STPG2: variants seen among roughly 807,000 people sequenced by gnomAD.
The protein encoded by STPG2 is sperm-tail PG-rich repeat-containing protein 2.
Under a neutral mutation model 54.2 loss-of-function variants are expected in STPG2, and 56 were observed. That is an observed-to-expected ratio of 1.03 (90% confidence interval 0.83 to 1.29). The LOEUF (loss-of-function observed/expected upper bound fraction) is 1.29, where lower values mean the gene tolerates loss of function less well. Among genes scored for constraint, STPG2 ranks in the 50% most tolerant of loss-of-function variants. The pLI is 0.00. For missense variants in STPG2, 596 were observed against 544.9 expected, an observed-to-expected ratio of 1.09 and a Z score of -0.93; for synonymous variants, 200 against 181.8, an observed-to-expected ratio of 1.10 and a Z score of -0.81.
intron 4 of STPG2, among the ~76,000 whole-genome samples, chr4:97,476,894 A>G (rs985661067): frequency 8.5e-5 from 13 of 152,214 alleles, no homozygotes; most frequent in Non-Finnish European, 1.8e-4. Flanking sequence ...TTTACTGATC[A>G]TGAGTAGACA....
chr4:97,721,437 T>C (rs967293393), intron 9 of STPG2, among the ~76,000 whole-genome samples: 24 of 152,122 alleles, frequency 1.6e-4, no homozygotes, highest in Non-Finnish European at 2.9e-4. Context: ...CTATTTCAAA[T>C]ACTGAAAGTC....
At chr4:97,849,587 A>C (rs1483141783) in intron 8 of STPG2, among the ~76,000 whole-genome samples, 5 of 152,146 alleles carry the variant, frequency 3.3e-5, no homozygotes, top group African/African-American at 7.2e-5. Context: ...AAAAACAAAC[A>C]ACCCCATCAA....
chr4:97,903,416 AATCAAGT>A (rs1316945833), intron 8 of STPG2, among the ~76,000 whole-genome samples: 3 of 152,094 alleles, frequency 2.0e-5, no homozygotes, highest in African/African-American at 7.2e-5. Context: ...AATGGCCAAA[AATCAAGT>A]ATCTAAGCAT....
intron 5 of STPG2, among the ~76,000 whole-genome samples, chr4:97,991,938 C>A (rs1245788018): frequency 7.3e-6 from 1 of 136,432 alleles, no homozygotes; most frequent in African/African-American, 2.8e-5. Context: ...CCTTTGCCCA[C>A]TTTTTATGAA....
At chr4:97,660,244 G>A (rs547162717) in intron 10 of STPG2, among the ~76,000 whole-genome samples, 1 of 152,070 alleles carries the variant, frequency 6.6e-6, no homozygotes, top group Non-Finnish European at 1.5e-5. Flanking sequence ...CTCGCAATCC[G>A]CCCGCCTCGG....
intron 10 of STPG2, among the ~76,000 whole-genome samples, chr4:97,696,096 C>T (rs1233180501): frequency 1.3e-5 from 2 of 152,142 alleles, no homozygotes; most frequent in Non-Finnish European, 2.9e-5. Flanking sequence ...GGAGGCATTA[C>T]ATTACCCAAC....
chr4:97,550,625 G>A (rs138483574), intron 4 of STPG2, among the ~76,000 whole-genome samples: 2,333 of 152,114 alleles, frequency 0.015, 54 homozygotes, highest in African/African-American at 0.051. Context: ...GGTTCCTTCC[G>A]GTGGGTTCTT....
chr4:98,104,045 C>T (rs1739121832), intron 5 of STPG2, among the ~76,000 whole-genome samples: 1 of 152,104 alleles, frequency 6.6e-6, no homozygotes, highest in Non-Finnish European at 1.5e-5. Flanking sequence ...CTGTGATGAC[C>T]ACCTCTGCTA....
chr4:97,458,350 T>G (rs1015771499), intron 4 of STPG2, among the ~76,000 whole-genome samples: 2 of 152,190 alleles, frequency 1.3e-5, no homozygotes, highest in East Asian at 1.9e-4. Flanking sequence ...TCGTTGAAAT[T>G]ATGATGAATG....
intron 4 of STPG2, among the ~76,000 whole-genome samples, chr4:97,528,146 T>C (rs1731325633): frequency 6.6e-6 from 1 of 152,214 alleles, no homozygotes; most frequent in Non-Finnish European, 1.5e-5. Context: ...TATGTTTCAA[T>C]CTTTAATCCC....
intron 3 of STPG2, among the ~76,000 whole-genome samples, chr4:98,110,331 T>G (rs6841210): frequency 0.014 from 2,083 of 152,214 alleles, 50 homozygotes; most frequent in African/African-American, 0.047. Context: ...AGATAACATC[T>G]CAGGAGTTGC....
chr4:97,851,556 A>G (rs925342596), intron 8 of STPG2, among the ~76,000 whole-genome samples: 4 of 152,210 alleles, frequency 2.6e-5, no homozygotes, highest in Non-Finnish European at 5.9e-5. Context: ...TGTGTTGTAT[A>G]AATATTTTTC....
chr4:97,565,749 AT>A (rs1732412941), intron 10 of STPG2, among the ~76,000 whole-genome samples: 1 of 151,998 alleles, frequency 6.6e-6, no homozygotes, highest in Admixed American at 6.6e-5. Flanking sequence ...AGAACAGCGG[AT>A]TTTCGTGAAC....
chr4:97,729,241 T>C (rs1724721640), intron 9 of STPG2, among the ~76,000 whole-genome samples: 2 of 152,038 alleles, frequency 1.3e-5, no homozygotes, highest in African/African-American at 4.8e-5. Flanking sequence ...TGAGTGACAC[T>C]GGTAGACTTT....
At chr4:97,654,736 T>C (rs918908869) in intron 10 of STPG2, among the ~76,000 whole-genome samples, 4 of 152,018 alleles carry the variant, frequency 2.6e-5, no homozygotes, top group African/African-American at 9.7e-5. Context: ...ATCTCTTGAA[T>C]GTATCATTAG....
intron 9 of STPG2, among the ~76,000 whole-genome samples, chr4:97,804,422 A>T (rs1396637156): frequency 2.6e-5 from 4 of 152,182 alleles, no homozygotes; most frequent in Non-Finnish European, 5.9e-5. Context: ...GTTTTTAACA[A>T]CAACAACAAC....
chr4:97,936,089 T>G (rs904379696), intron 8 of STPG2, among the ~76,000 whole-genome samples: 1 of 152,232 alleles, frequency 6.6e-6, no homozygotes, highest in Non-Finnish European at 1.5e-5. Flanking sequence ...ATATTTAGGA[T>G]AGTTAATTCT....
At chr4:98,057,422 T>C (rs1737515993) in intron 5 of STPG2, among the ~76,000 whole-genome samples, 1 of 152,000 alleles carries the variant, frequency 6.6e-6, no homozygotes, top group Non-Finnish European at 1.5e-5. Flanking sequence ...ATCACAAGTA[T>C]TAATAGGAAA....
chr4:97,557,425 C>A (rs1163898831), downstream of STPG2, among the ~76,000 whole-genome samples: 2 of 152,082 alleles, frequency 1.3e-5, no homozygotes, highest in Non-Finnish European at 2.9e-5. Context: ...TAGTATCTAT[C>A]ATTTCTATCT....
Sources: gnomAD v4.1 joint callset for allele counts (sites outside exome capture counted in the v4.1 genomes callset) on GRCh38, gnomAD v4.1.1 for gene constraint, MANE v1.5 for transcripts, NCBI Gene and HGNC (gene_info 2026-07-23, HGNC 2026-07-21) for gene names.